MBD5: variants seen among roughly 807,000 people sequenced by gnomAD.
MBD5 encodes methyl-CpG binding domain protein 5, also known as methyl-CpG-binding domain protein 5.
MBD5 carries 13 observed loss-of-function variants against 117.3 expected under a neutral mutation model. That is an observed-to-expected ratio of 0.11 (90% CI 0.07 to 0.18). MBD5 has a LOEUF of 0.18. Among genes scored for constraint, MBD5 ranks in the 10% least tolerant of loss-of-function variants. The pLI is 1.00. For missense variants in MBD5, 1,879 were observed against 2,093.8 expected, an observed-to-expected ratio of 0.90 and a Z score of 2.00; for synonymous variants, 727 against 766.4, an observed-to-expected ratio of 0.95 and a Z score of 0.85.
At chr2:148,405,576 A>G (rs1705050891) in intron 4 of MBD5, among the ~76,000 whole-genome samples, 1 of 152,218 alleles carries the variant, frequency 6.6e-6, no homozygotes. Flanking sequence ...GGAAGAAAGG[A>G]GTGCTGCAAA....
intron 8 of MBD5, chr2:148,471,602 G>A (rs1030626791): frequency 5.3e-5 from 8 of 152,028 alleles, no homozygotes; most frequent in African/African-American, 9.7e-5. Flanking sequence ...TAGTAAAAGC[G>A]TTTTCCTTCC....
At chr2:148,035,796 G>C (rs1030477306) in intron 1 of MBD5, among the ~76,000 whole-genome samples, 3 of 152,122 alleles carry the variant, frequency 2.0e-5, no homozygotes, top group Admixed American at 2.0e-4. Flanking sequence ...CTCTTCATTA[G>C]TAAAATGGGC....
intron 2 of MBD5, among the ~76,000 whole-genome samples, chr2:148,197,523 A>G (rs576904514): frequency 1.3e-5 from 2 of 152,326 alleles, no homozygotes; most frequent in South Asian, 4.1e-4. Context: ...TAATGTGTGT[A>G]ATGGTCTCCA....
chr2:148,510,310 C>T (rs951277696), intron 13 of MBD5, among the ~76,000 whole-genome samples, 175 bp downstream of exon 13: 1 of 152,110 alleles, frequency 6.6e-6, no homozygotes, highest in African/African-American at 2.4e-5. Flanking sequence ...GAAAAAGAAA[C>T]CTACCACATT....
chr2:148,485,176 C>T (rs564960869), intron 9 of MBD5: 2 of 152,190 alleles, frequency 1.3e-5, no homozygotes, highest in African/African-American at 4.8e-5. Context: ...ACAATGAATT[C>T]TTTTGTGTTG....
At chr2:148,390,570 T>C (rs1413444134) in intron 4 of MBD5, among the ~76,000 whole-genome samples, 1 of 150,938 alleles carries the variant, frequency 6.6e-6, no homozygotes, top group Non-Finnish European at 1.5e-5. Flanking sequence ...TGTGTATATA[T>C]ATATATATAT....
chr2:148,111,196 G>A (rs2105350418), intron 1 of MBD5, among the ~76,000 whole-genome samples: 1 of 152,248 alleles, frequency 6.6e-6, no homozygotes. Flanking sequence ...AGAGAAATCT[G>A]GCAGATATTG....
At chr2:148,424,177 CAAAAAAAAAAAAAAAAAAAAAAAAAA>C (rs56740583) in intron 4 of MBD5, among the ~76,000 whole-genome samples, 11 of 53,442 alleles carry the variant, frequency 2.1e-4, no homozygotes, top group African/African-American at 2.5e-4. Context: ...GACTCTGTCT[CAAAAAAAAAAAAAAAAAAAAAAAAAA>C]AAAAAAAAAA....
At chr2:148,304,539 G>T (rs1172446152) in intron 3 of MBD5, among the ~76,000 whole-genome samples, 1 of 152,112 alleles carries the variant, frequency 6.6e-6, no homozygotes, top group East Asian at 1.9e-4. Context: ...TACTATTCTG[G>T]ACTACGTTAA....
chr2:148,217,452 G>A (rs1472449667), intron 2 of MBD5, among the ~76,000 whole-genome samples: 2 of 152,206 alleles, frequency 1.3e-5, no homozygotes, highest in African/African-American at 4.8e-5. Context: ...CTTCATGGAA[G>A]CACTTGTCTT....
intron 3 of MBD5, among the ~76,000 whole-genome samples, chr2:148,280,577 G>A (rs1159338216): frequency 6.6e-6 from 1 of 152,066 alleles, no homozygotes; most frequent in Admixed American, 6.6e-5. Flanking sequence ...GACCTCAGGT[G>A]TGCGCTCCCT....
chr2:148,439,790 G>C (rs1291204619), intron 4 of MBD5, among the ~76,000 whole-genome samples: 1 of 145,328 alleles, frequency 6.9e-6, no homozygotes, highest in Non-Finnish European at 1.5e-5. Flanking sequence ...CCCAACTGAA[G>C]TGCAGTGGTA....
chr2:148,452,958 T>C (rs1706773579), intron 4 of MBD5, among the ~76,000 whole-genome samples: 1 of 152,166 alleles, frequency 6.6e-6, no homozygotes, highest in African/African-American at 2.4e-5. Flanking sequence ...TAAGCCCACA[T>C]GGTAAAAAAT....
chr2:148,334,336 TTTG>T (rs1702733243), intron 3 of MBD5, among the ~76,000 whole-genome samples: 1 of 151,970 alleles, frequency 6.6e-6, no homozygotes, highest in Admixed American at 6.6e-5. Flanking sequence ...TCTTATTTGT[TTTG>T]TTTTTTTTTT....
At chr2:148,043,119 T>G (rs1448946436) in intron 1 of MBD5, among the ~76,000 whole-genome samples, 1 of 152,010 alleles carries the variant, frequency 6.6e-6, no homozygotes, top group South Asian at 2.1e-4. Flanking sequence ...GACTCCACCC[T>G]AATCTTATTG....
chr2:148,042,847 T>C (rs938673243), intron 1 of MBD5, among the ~76,000 whole-genome samples: 11 of 152,162 alleles, frequency 7.2e-5, no homozygotes, highest in Admixed American at 7.2e-4. Context: ...AAGGGATCGA[T>C]CTGGTAGCTA....
At chr2:148,028,818 T>C (rs1693966859) in intron 1 of MBD5, among the ~76,000 whole-genome samples, 1 of 152,130 alleles carries the variant, frequency 6.6e-6, no homozygotes. Context: ...GGAAATCAAA[T>C]ACGTGCTCCT....
Position 148,318,934 on chromosome 2 carries a change from T to C in MBD5, c.-679-23280T>C, listed in dbSNP as rs112310964. Among the ~76,000 whole-genome samples, 325 of 152,252 alleles carry C rather than the reference T, an allele frequency of 2.1e-3. 1 individual carries two copies. Among genetic ancestry groups the C allele is most frequent in the Non-Finnish European group, 4.0e-3 (270 of 68,008 alleles). ...TTTCACTGTGTTGGCCAGGGTAGTG[T>C]GGAACTCCTGGCCTCAAGTGATCTG... On this transcript the variant is annotated intron_variant, in intron 3 of 13. Transcript: ENST00000642680.
chr2:148,325,047 G>T (rs1406496991), intron 3 of MBD5, among the ~76,000 whole-genome samples: 1 of 152,238 alleles, frequency 6.6e-6, no homozygotes, highest in Admixed American at 6.5e-5. Flanking sequence ...AGCATGAAGG[G>T]TTGTTGAATT....
Sources: allele counts gnomAD v4.1 joint callset (sites outside exome capture counted in the v4.1 genomes callset), GRCh38; gene constraint gnomAD v4.1.1; transcripts MANE v1.5; gene names NCBI Gene and HGNC (gene_info 2026-07-23, HGNC 2026-07-21).